SH3BGRL2: variants seen among roughly 807,000 people sequenced by gnomAD.
SH3BGRL2 encodes SH3 domain binding glutamate rich protein like 2.
SH3BGRL2 carries 21 observed loss-of-function variants against 14.8 expected under a neutral mutation model. The ratio of observed to expected loss-of-function variants is 1.42; its 90% CI spans 1.01 to 2.05. SH3BGRL2 has a LOEUF of 2.05. SH3BGRL2 is among the 30% of genes most tolerant of loss of function. The pLI, the probability that SH3BGRL2 is intolerant of heterozygous loss-of-function variation, is 0.00. For missense variants in SH3BGRL2, 147 were observed against 130.8 expected, an observed-to-expected ratio of 1.12 and a Z score of -0.61; for synonymous variants, 50 against 47.8, an observed-to-expected ratio of 1.05 and a Z score of -0.19.
At chr6:79,624,996 G>C in the SH3BGRL2 span, among the ~76,000 whole-genome samples, 3 of 151,852 alleles carry the variant, frequency 2.0e-5, no homozygotes, top group Non-Finnish European at 2.9e-5. Context: ...CATAGACTCC[G>C]TGTCTACAAA....
chr6:79,662,984 T>C (rs572272128), intron 1 of SH3BGRL2, among the ~76,000 whole-genome samples: 1 of 152,282 alleles, frequency 6.6e-6, no homozygotes, highest in Non-Finnish European at 1.5e-5. Flanking sequence ...CGTGCCATGG[T>C]TTTCAGCTCC....
At chr6:79,572,023 G>A in the SH3BGRL2 span, among the ~76,000 whole-genome samples, 1 of 152,024 alleles carries the variant, frequency 6.6e-6, no homozygotes, top group African/African-American at 2.4e-5. Flanking sequence ...CACAACAATG[G>A]TACATTTGTC....
intron 2 of SH3BGRL2, among the ~76,000 whole-genome samples, chr6:79,678,378 A>G (rs1769926084): frequency 6.6e-6 from 1 of 152,202 alleles, no homozygotes; most frequent in African/African-American, 2.4e-5. Context: ...ACTAAGCGGA[A>G]TCACACACTA....
intron 2 of SH3BGRL2, among the ~76,000 whole-genome samples, chr6:79,679,615 A>G (rs932406264): frequency 1.3e-5 from 2 of 152,164 alleles, no homozygotes; most frequent in Non-Finnish European, 2.9e-5. Flanking sequence ...GCTAAATAGT[A>G]TGGTAGTTCT....
the SH3BGRL2 span, among the ~76,000 whole-genome samples, chr6:79,566,560 A>G: frequency 1.3e-5 from 2 of 152,186 alleles, no homozygotes; most frequent in East Asian, 1.9e-4. Flanking sequence ...TTGGAATTTT[A>G]TCGTTTGTCA....
At chr6:79,690,181 G>A (rs1368298944) in intron 2 of SH3BGRL2, among the ~76,000 whole-genome samples, 3 of 151,794 alleles carry the variant, frequency 2.0e-5, no homozygotes, top group East Asian at 3.9e-4. Context: ...TTTTAGAGAC[G>A]GGGTCTTGCT....
intron 2 of SH3BGRL2, among the ~76,000 whole-genome samples, chr6:79,680,670 A>G (rs1458042536): frequency 1.3e-5 from 2 of 152,018 alleles, no homozygotes; most frequent in Non-Finnish European, 2.9e-5. Flanking sequence ...TTTGGGTATT[A>G]TTGACATCTA....
the SH3BGRL2 span, among the ~76,000 whole-genome samples, chr6:79,557,865 G>T: frequency 6.6e-6 from 1 of 152,088 alleles, no homozygotes; most frequent in Non-Finnish European, 1.5e-5. Context: ...TTCCTTGATT[G>T]CAGGGAGTTT....
the SH3BGRL2 span, among the ~76,000 whole-genome samples, chr6:79,549,291 G>C: frequency 1.3e-5 from 2 of 152,162 alleles, no homozygotes; most frequent in East Asian, 3.8e-4. Flanking sequence ...TCATAGGTAA[G>C]AGGAATCTTT....
chr6:79,696,062 C>T (rs928870605), intron 2 of SH3BGRL2, among the ~76,000 whole-genome samples: 1 of 152,154 alleles, frequency 6.6e-6, no homozygotes, highest in Admixed American at 6.5e-5. Flanking sequence ...GAGACCTTTA[C>T]AGCTTTGTTT....
chr6:79,651,830 G>C (rs1769303144), intron 1 of SH3BGRL2, among the ~76,000 whole-genome samples: 1 of 152,170 alleles, frequency 6.6e-6, no homozygotes, highest in Non-Finnish European at 1.5e-5. Flanking sequence ...TGGTGAAGGA[G>C]ATGATTCTGG....
At chr6:79,614,922 C>T in the SH3BGRL2 span, among the ~76,000 whole-genome samples, 2 of 152,134 alleles carry the variant, frequency 1.3e-5, no homozygotes, top group Admixed American at 6.5e-5. Context: ...GGAGTAGAAA[C>T]AGAAAGAGCT....
At chr6:79,558,580 A>T in the SH3BGRL2 span, among the ~76,000 whole-genome samples, 1 of 152,104 alleles carries the variant, frequency 6.6e-6, no homozygotes, top group African/African-American at 2.4e-5. Flanking sequence ...CATAAGAAAG[A>T]TTGGCCCGGT....
chr6:79,560,907 T>C, the SH3BGRL2 span, among the ~76,000 whole-genome samples: 2 of 142,484 alleles, frequency 1.4e-5, no homozygotes, highest in African/African-American at 5.3e-5. Flanking sequence ...TGAGACAGAG[T>C]TTTGCTCTTG....
chr6:79,560,650 G>A, the SH3BGRL2 span, among the ~76,000 whole-genome samples: 12 of 152,046 alleles, frequency 7.9e-5, no homozygotes, highest in Non-Finnish European at 1.8e-4. Context: ...GAGTTTATGG[G>A]AATTTTGGAT....
At chr6:79,621,287 A>T in the SH3BGRL2 span, among the ~76,000 whole-genome samples, 1 of 152,192 alleles carries the variant, frequency 6.6e-6, no homozygotes, top group African/African-American at 2.4e-5. Flanking sequence ...ACACCCAATC[A>T]CTAATGTGAT....
At chr6:79,626,180 G>A in the SH3BGRL2 span, among the ~76,000 whole-genome samples, 1 of 152,210 alleles carries the variant, frequency 6.6e-6, no homozygotes, top group Non-Finnish European at 1.5e-5. Context: ...CACTTTGGGA[G>A]GCTGAGGCAG....
chr6:79,565,026 A>G, the SH3BGRL2 span, among the ~76,000 whole-genome samples: 1 of 152,194 alleles, frequency 6.6e-6, no homozygotes, highest in East Asian at 1.9e-4. Flanking sequence ...GGAGGCTGTA[A>G]TATCAAACCT....
chr6:79,624,801 C>T, the SH3BGRL2 span, among the ~76,000 whole-genome samples: 2 of 151,654 alleles, frequency 1.3e-5, no homozygotes, highest in Non-Finnish European at 2.9e-5. Context: ...AAAGTGTTTT[C>T]TGTTTTTTGG....
Sources: gnomAD v4.1 joint callset for allele counts (sites outside exome capture counted in the v4.1 genomes callset) on GRCh38, gnomAD v4.1.1 for gene constraint, MANE v1.5 for transcripts, NCBI Gene and HGNC (gene_info 2026-07-23, HGNC 2026-07-21) for gene names.